Variants in RFX4 observed in about 807,000 individuals in gnomAD.
The protein encoded by RFX4 is transcription factor RFX4.
A neutral mutation model predicts 95.0 loss-of-function variants in RFX4; 10 were observed. That is an observed-to-expected ratio of 0.11 (90% CI 0.06 to 0.18). RFX4 has a LOEUF of 0.18. RFX4 is among the 10% of genes least tolerant of loss of function. The probability of loss-of-function intolerance (pLI) is 1.00; values close to 1 mark genes in which losing one functional copy is unlikely to be tolerated. For synonymous variants in RFX4, 321 were observed against 340.7 expected, an observed-to-expected ratio of 0.94 and a Z score of 0.64; for missense variants, 640 against 922.0, an observed-to-expected ratio of 0.69 and a Z score of 3.96.
chr12:106,586,827 G>A lies in RFX4; in HGVS notation c.43+3464G>A, dbSNP rs868187084. On this transcript the variant is annotated intron_variant, in intron 1 of 17. Coordinates refer to ENST00000392842, the MANE Select transcript of RFX4 (RefSeq NM_213594.3). The surrounding 1 kb of genome is among the most constrained non-coding windows in gnomAD (Gnocchi z 5.6). ...CCCACAAGGCAAAGTGCGTCCTGGA[G>A]GGAACAGGGCCCGAGCCTCCTCCAT... Among the ~76,000 whole-genome samples the A allele has an allele frequency of 6.6e-6, 1 of 152,248 alleles. No homozygotes were observed. The highest frequency in any genetic ancestry group is 2.1e-4 in the South Asian group (1 of 4,834).
Position 106,704,528 on chromosome 12 carries a change from T to C in RFX4, c.834-4802T>C, listed in dbSNP as rs548852411. ...GTGCTTGGCATCATGGAAATGAGAA[T>C]TGGTACTAGAAGTTCTCACTCATGA... On this transcript the variant is annotated intron_variant, in intron 8 of 17. Coordinates refer to ENST00000392842, the MANE Select transcript of RFX4 (RefSeq NM_213594.3). Among the ~76,000 whole-genome samples the C allele has an allele frequency of 1.1e-4, 16 of 152,310 alleles. No homozygotes were observed. The South Asian group carries it at 3.1e-3, about 30-fold the overall frequency.
intron 4 of RFX4, among the ~76,000 whole-genome samples, chr12:106,674,846 G>A (rs1169843937): frequency 2.0e-5 from 3 of 152,170 alleles, no homozygotes; most frequent in Non-Finnish European, 4.4e-5. Flanking sequence ...GATATCTGCT[G>A]GTGAATGAAT....
At chr12:106,599,126 C>T (rs1221553723) in intron 1 of RFX4, among the ~76,000 whole-genome samples, 1 of 151,318 alleles carries the variant, frequency 6.6e-6, no homozygotes, top group Non-Finnish European at 1.5e-5. Context: ...GATCTCTGAA[C>T]AAACGGCATT....
At chr12:106,607,947 C>G (rs1029588195) in intron 1 of RFX4, among the ~76,000 whole-genome samples, 3 of 152,160 alleles carry the variant, frequency 2.0e-5, no homozygotes, top group Admixed American at 6.5e-5. Flanking sequence ...AATCCCAGCA[C>G]TTTGGGAGGC....
intron 8 of RFX4, among the ~76,000 whole-genome samples, chr12:106,703,607 AG>A (rs1399541510): frequency 6.6e-6 from 1 of 152,250 alleles, no homozygotes; most frequent in Non-Finnish European, 1.5e-5. Flanking sequence ...TTTATAAGAA[AG>A]ATTCACATAC....
At chr12:106,676,879 G>C (rs2041402398) in intron 4 of RFX4, among the ~76,000 whole-genome samples, 1 of 152,212 alleles carries the variant, frequency 6.6e-6, no homozygotes, top group Admixed American at 6.5e-5. Flanking sequence ...TACTGTTAAA[G>C]GAAGGAATGA....
At chr12:106,601,462 C>T (rs1411122830) in intron 1 of RFX4, 8 of 1,108,372 alleles carry the variant, frequency 7.2e-6, no homozygotes, top group South Asian at 4.6e-5. Context: ...TTTTATGTAG[C>T]GTTTCTGGAG....
Position 106,687,006 on chromosome 12 carries a change from C to T in RFX4, c.500C>T (p.Ala167Val). The T allele has an allele frequency of 1.2e-6, 2 of 1,614,050 alleles. No individual in the cohort carries two copies. Among genetic ancestry groups the T allele is most frequent in the Admixed American group, 1.7e-5 (1 of 59,992 alleles). Residue 167 changes from alanine to valine, a missense_variant, in exon 6 of 18, where the codon GCA (alanine) becomes GTA (valine). Coordinates refer to ENST00000392842, the MANE Select transcript of RFX4 (RefSeq NM_213594.3). ...GKKEVSKQTVAYSPRSKLGTL... is the reference protein window; with the variant it reads ...GKKEVSKQTVVYSPRSKLGTL... The stretch of plus-strand genomic sequence containing the variant: ...AAAGAAGTGAGCAAACAGACAGTGG[C>T]ATATTCACCCCGGTCCAAACTCGGA...
At chr12:106,645,909 G>T (rs1182230416) in intron 3 of RFX4, 7 of 1,288,964 alleles carry the variant, frequency 5.4e-6, no homozygotes, top group East Asian at 5.5e-5. Flanking sequence ...GTGTCCCTCC[G>T]GATGACCTCA....
intron 7 of RFX4, among the ~76,000 whole-genome samples, chr12:106,692,058 G>A (rs1592945842): frequency 6.6e-6 from 1 of 151,782 alleles, no homozygotes; most frequent in East Asian, 1.9e-4. Flanking sequence ...TCAGGAGGCC[G>A]AGGCAGGAGA....
At chr12:106,596,864 A>T (rs961961004) in intron 1 of RFX4, among the ~76,000 whole-genome samples, 1 of 152,242 alleles carries the variant, frequency 6.6e-6, no homozygotes, top group Non-Finnish European at 1.5e-5. Flanking sequence ...TGCTTAATAA[A>T]TGTTTATTTA....
At chr12:106,672,876 C>A (rs1245751638) in intron 4 of RFX4, among the ~76,000 whole-genome samples, 1 of 152,026 alleles carries the variant, frequency 6.6e-6, no homozygotes, top group Non-Finnish European at 1.5e-5. Flanking sequence ...AAAGTCTTGA[C>A]CTGCATTTGG....
intron 4 of RFX4, among the ~76,000 whole-genome samples, chr12:106,679,430 G>A (rs1425614388): frequency 6.6e-6 from 1 of 151,742 alleles, no homozygotes; most frequent in East Asian, 1.9e-4. Context: ...CTCCAGCCTG[G>A]GCAACAGAGT....
In RFX4 at chr12:106,588,193, A is replaced by G. The variant is rs138143382; in HGVS notation, c.43+4830A>G. On this transcript the variant is annotated intron_variant, in intron 1 of 17. Coordinates refer to ENST00000392842, the MANE Select transcript of RFX4 (RefSeq NM_213594.3). ...AATGATATATTATTTTTTGCAAATC[A>G]TTTGGGATTTTAAGAGTCAATAACC... 2.4e-4 allele frequency among the ~76,000 whole-genome samples: 36 copies of G among 152,280 alleles called. 1 individual carries two copies. The East Asian group carries it at 6.4e-3, about 27-fold the overall frequency.
At chr12:106,683,034 G>C (rs926863172) in intron 5 of RFX4, 6 of 152,220 alleles carry the variant, frequency 3.9e-5, no homozygotes, top group African/African-American at 1.4e-4. Flanking sequence ...ACTAGAGGGT[G>C]CCTTATTATG....
intron 8 of RFX4, 91 bp from the exon 9 acceptor site, chr12:106,709,239 A>G: frequency 9.9e-7 from 1 of 1,006,320 alleles, no homozygotes; most frequent in South Asian, 1.5e-5. Context: ...AGCAGCCAAA[A>G]CATGATTAGG....
intron 2 of RFX4, among the ~76,000 whole-genome samples, 198 bp downstream of exon 2, chr12:106,609,081 T>C (rs910938811): frequency 1.3e-5 from 2 of 152,184 alleles, no homozygotes; most frequent in African/African-American, 4.8e-5. Context: ...ACCTGGAAAC[T>C]AAGACCACAG....
intron 13 of RFX4, among the ~76,000 whole-genome samples, chr12:106,730,393 TC>T (rs2042587841): frequency 6.6e-6 from 1 of 152,158 alleles, no homozygotes; most frequent in Non-Finnish European, 1.5e-5. Flanking sequence ...CCTTATTTTC[TC>T]ATCTGTGCTA....
chr12:106,761,022 T>C (rs1316156154), intron 17 of RFX4, among the ~76,000 whole-genome samples, 175 bp from the exon 18 acceptor site: 1 of 152,008 alleles, frequency 6.6e-6, no homozygotes, highest in African/African-American at 2.4e-5. Context: ...GCATTTCTCC[T>C]GTTGACTTCC....
Sources: allele counts gnomAD v4.1 joint callset (sites outside exome capture counted in the v4.1 genomes callset), GRCh38; gene constraint gnomAD v4.1.1; non-coding constraint Gnocchi (gnomAD v3.1); transcripts MANE v1.5; gene names NCBI Gene and HGNC (gene_info 2026-07-23, HGNC 2026-07-21).